CALM2: variants seen among roughly 807,000 people sequenced by gnomAD.
CALM2 encodes the protein calmodulin 2.
CALM2 carries 2 observed loss-of-function variants against 19.8 expected under a neutral mutation model. The observed-to-expected ratio is 0.10, with a 90% CI of 0.04 to 0.32. The LOEUF is 0.32. CALM2 is among the 10% of genes least tolerant of loss of function. The pLI is 1.00. For missense variants in CALM2, 38 were observed against 178.7 expected, an observed-to-expected ratio of 0.21 and a Z score of 4.49; for synonymous variants, 51 against 52.1, an observed-to-expected ratio of 0.98 and a Z score of 0.09.
intron 2 of CALM2, among the ~76,000 whole-genome samples, chr2:47,164,510 C>T (rs774663394): frequency 6.6e-6 from 1 of 151,526 alleles, no homozygotes; most frequent in African/African-American, 2.4e-5. Flanking sequence ...AGCAGCAGAA[C>T]TGCTTGAACC....
At chr2:47,174,395 C>G (rs560850717) in intron 1 of CALM2, among the ~76,000 whole-genome samples, 3 of 152,110 alleles carry the variant, frequency 2.0e-5, no homozygotes, top group Non-Finnish European at 4.4e-5. Flanking sequence ...CAGGACTACA[C>G]GCACAGGCCA....
intron 1 of CALM2, chr2:47,172,233 C>A (rs1666693371): frequency 9.8e-6 from 3 of 307,274 alleles, no homozygotes; most frequent in Non-Finnish European, 2.0e-5. Context: ...TTGCATTTTG[C>A]AGGACTTCCA....
intron 5 of CALM2, 103 bp from the exon 6 acceptor site, chr2:47,160,907 A>G: frequency 3.1e-6 from 2 of 642,664 alleles, no homozygotes; most frequent in East Asian, 5.8e-5. Context: ...TACTCTTTCC[A>G]TTCCTCTCTT....
chr2:47,172,375 A>G (rs1356713408), intron 1 of CALM2: 2 of 530,038 alleles, frequency 3.8e-6, no homozygotes, highest in Non-Finnish European at 7.0e-6. Flanking sequence ...TCCTCCTCTC[A>G]GTCAACTTCA....
At chr2:47,171,981 TTAAA>T (rs1206859501) in intron 1 of CALM2, 13 of 47,580 alleles carry the variant, frequency 2.7e-4, no homozygotes, top group Admixed American at 8.6e-4. Flanking sequence ...ATCAAATTCA[TTAAA>T]AAAAAAAAAA....
At chr2:47,172,801 A>C (rs1666716410) in intron 1 of CALM2, 1 of 6,908 alleles carries the variant, frequency 1.4e-4, no homozygotes, top group Admixed American at 2.1e-3. Flanking sequence ...TTCTCTCTAC[A>C]TGGGTTGGGG....
chr2:47,164,402 C>T (rs1351853729), intron 2 of CALM2, among the ~76,000 whole-genome samples: 2 of 134,426 alleles, frequency 1.5e-5, no homozygotes, highest in Non-Finnish European at 3.1e-5. Context: ...GGTGTGGCAG[C>T]GTGGGCCTGT....
chr2:47,176,478 C>G lies in CALM2; in HGVS notation c.-35G>C, dbSNP rs1209397398. 1 of 1,613,626 alleles carries G rather than the reference C, an allele frequency of 6.2e-7. No homozygotes were observed. The highest frequency in any genetic ancestry group is 8.5e-7 in the Non-Finnish European group (1 of 1,179,930). On this transcript the variant is annotated 5_prime_UTR_variant, in exon 1 of 6. Transcript: ENST00000272298. Reference sequence around the variant, plus strand: ...GCTACCGGTTTCCGAGACGCGACCACACAACCACTCAGCTCGCTCTCTCCA... The same window carrying G: ...GCTACCGGTTTCCGAGACGCGACCAGACAACCACTCAGCTCGCTCTCTCCA...
At position 47,164,262 on chromosome 2, in the gene CALM2, G is replaced by A. The variant is rs149583689; in HGVS notation, c.35-1600C>T. ...CAAAAAAAAAAAAAAAGAAGAAAAA[G>A]AAAAGAAACCCCGTCTCTACTAAAA... On this transcript the variant is annotated intron_variant, in intron 2 of 5. Coordinates refer to ENST00000272298, the MANE Select transcript of CALM2 (RefSeq NM_001743.6). Among the ~76,000 whole-genome samples the A allele has an allele frequency of 2.3e-3, 52 of 22,768 alleles. 14 individuals carry two copies. The highest frequency in any genetic ancestry group is 9.2e-3 in the East Asian group (2 of 218). The allele number at this position is 22,768 out of a possible 152,430, so 14.9% of individuals were successfully genotyped here. A position where few individuals can be genotyped will look rare whatever the true frequency, so the allele number is the denominator to read the frequency against.
At chr2:47,168,647 T>C (rs996093497) in intron 2 of CALM2, among the ~76,000 whole-genome samples, 4 of 152,042 alleles carry the variant, frequency 2.6e-5, no homozygotes, top group Non-Finnish European at 5.9e-5. Flanking sequence ...GCAGAACAGC[T>C]TGAACCCGGG....
chr2:47,165,967 CA>C (rs1666456780), intron 2 of CALM2, among the ~76,000 whole-genome samples: 2 of 152,184 alleles, frequency 1.3e-5, no homozygotes, highest in South Asian at 4.1e-4. Context: ...CGTCCTTTGC[CA>C]GGGCTATTAC....
At chr2:47,174,862 A>T (rs1243653061) in intron 1 of CALM2, among the ~76,000 whole-genome samples, 1 of 152,224 alleles carries the variant, frequency 6.6e-6, no homozygotes, top group African/African-American at 2.4e-5. Flanking sequence ...TAACATTTGA[A>T]GCATCAAGAT....
rs1238842406 is a variant in CALM2, at chr2:47,160,579, G to C, written c.*197C>G. 2.2e-6 allele frequency: 1 copy of C among 458,702 alleles called. No homozygotes were observed. The highest frequency in any genetic ancestry group is 3.5e-5 in the East Asian group (1 of 28,858). 28.4% of individuals were successfully genotyped at this position (458,702 alleles called of 1,614,324 possible). A position where few individuals can be genotyped will look rare whatever the true frequency, so the allele number is the denominator to read the frequency against. On this transcript the variant is annotated 3_prime_UTR_variant, in exon 6 of 6. Transcript: ENST00000272298. The stretch of plus-strand genomic sequence containing the variant: ...GTAAGCCACATGCAACATGTTACTT[G>C]ATCAATTTTCTAAAATAAGGTTTTA...
chr2:47,166,288 G>T (rs1417543471), intron 2 of CALM2, among the ~76,000 whole-genome samples: 1 of 152,180 alleles, frequency 6.6e-6, no homozygotes, highest in African/African-American at 2.4e-5. Flanking sequence ...AAAGGACTTT[G>T]AGGTATTTGT....
At chr2:47,175,263 G>A (rs775684869) in intron 1 of CALM2, among the ~76,000 whole-genome samples, 1 of 151,996 alleles carries the variant, frequency 6.6e-6, no homozygotes, top group Non-Finnish European at 1.5e-5. Context: ...GGAATTTAGG[G>A]GTCGTTTTCA....
intron 2 of CALM2, 47 bp from the exon 3 acceptor site, chr2:47,162,709 A>C: frequency 6.8e-7 from 1 of 1,460,552 alleles, no homozygotes; most frequent in Non-Finnish European, 9.3e-7. Context: ...TTAATAATAA[A>C]ATGTAACCTA....
At position 47,176,499 on chromosome 2, in the gene CALM2, C is replaced by T; in HGVS notation, c.-56G>A. The stretch of plus-strand genomic sequence containing the variant: ...ACCACACAACCACTCAGCTCGCTCT[C>T]TCCACTCGGACTAATTCGCCTCCTC... On this transcript the variant is annotated 5_prime_UTR_variant, in exon 1 of 6. Coordinates refer to ENST00000272298, the MANE Select transcript of CALM2 (RefSeq NM_001743.6). 1.2e-6 allele frequency: 2 copies of T among 1,610,564 alleles called. No individual in the cohort carries two copies. Among genetic ancestry groups the T allele is most frequent in the Non-Finnish European group, 1.7e-6 (2 of 1,178,700 alleles).
chr2:47,176,752 C>G (rs1010694363), upstream of CALM2: 1 of 985,278 alleles, frequency 1.0e-6, no homozygotes, highest in African/African-American at 1.7e-5. Context: ...GGTGGAGCGG[C>G]CCCTGAGGGG....
At chr2:47,161,576 C>T (rs989250211) in intron 5 of CALM2, 147 bp downstream of exon 5, 11 of 651,164 alleles carry the variant, frequency 1.7e-5, no homozygotes, top group Non-Finnish European at 2.8e-5. Flanking sequence ...AGACAACACT[C>T]TGAATTTTAA....
Sources: allele counts gnomAD v4.1 joint callset (sites outside exome capture counted in the v4.1 genomes callset), GRCh38; gene constraint gnomAD v4.1.1; transcripts MANE v1.5; gene names NCBI Gene and HGNC (gene_info 2026-07-23, HGNC 2026-07-21).